The following VPS37A variants were observed in gnomAD, a reference collection of about 807,000 sequenced individuals.
VPS37A encodes the protein vacuolar protein sorting-associated protein 37A.
VPS37A carries 30 observed loss-of-function variants against 49.8 expected under a neutral mutation model. That is an observed-to-expected ratio of 0.60 (90% confidence interval 0.45 to 0.82). The LOEUF (loss-of-function observed/expected upper bound fraction) is 0.82, where lower values mean the gene tolerates loss of function less well. Among genes scored for constraint, VPS37A ranks in the 40% least tolerant of loss-of-function variants. The pLI is 0.00. For missense variants in VPS37A, 593 were observed against 464.4 expected, an observed-to-expected ratio of 1.28 and a Z score of -2.55; for synonymous variants, 195 against 160.6, an observed-to-expected ratio of 1.21 and a Z score of -1.62.
At chr8:17,284,383 G>A in intron 9 of VPS37A, 90 bp from the exon 10 acceptor site, 1 of 1,418,140 alleles carries the variant, frequency 7.1e-7, no homozygotes, top group Non-Finnish European at 9.3e-7. Context: ...ATAATAAATT[G>A]CCTCTCCATA....
At chr8:17,266,557 G>C (rs1813475099) in intron 2 of VPS37A, among the ~76,000 whole-genome samples, 1 of 152,202 alleles carries the variant, frequency 6.6e-6, no homozygotes, top group Non-Finnish European at 1.5e-5. Context: ...TGAAAAGGCT[G>C]TGATTACCTG....
At position 17,284,522 on chromosome 8, in the gene VPS37A, A is replaced by C; in HGVS notation, c.1019A>C (p.Glu340Ala). 6.3e-7 allele frequency: 1 copy of C among 1,599,262 alleles called. No homozygotes were observed. Among genetic ancestry groups the C allele is most frequent in the East Asian group, 2.3e-5 (1 of 43,662 alleles). ...GCAAGATTGAAAGTAGCTGCACATG[A>C]AGCTGAGGAAGAATCTGATAATATT... The part of the protein sequence containing the change: ...LQARLKVAAH[E>A]AEEESDNIAE... Residue 340 changes from glutamate (E) to alanine (A), a missense_variant, in exon 10 of 12, where the codon GAA (glutamate) becomes GCA (alanine). Coordinates refer to ENST00000324849, the MANE Select transcript of VPS37A (RefSeq NM_152415.3).
intron 1 of VPS37A, 69 bp from the exon 2 acceptor site, chr8:17,265,838 C>G: frequency 1.2e-6 from 2 of 1,609,854 alleles, no homozygotes; most frequent in Non-Finnish European, 1.7e-6. Context: ...GATTCTAGCA[C>G]TTAACATTGG....
At chr8:17,293,586 TCATGGATTTATCTA>T (rs1816340923) in intron 11 of VPS37A, among the ~76,000 whole-genome samples, 1 of 152,178 alleles carries the variant, frequency 6.6e-6, no homozygotes. Flanking sequence ...TTCCTCATCT[TCATGGATTTATCTA>T]CCTTTGTTCT....
At chr8:17,281,748 T>G (rs1815076166) in intron 9 of VPS37A, among the ~76,000 whole-genome samples, 1 of 152,044 alleles carries the variant, frequency 6.6e-6, no homozygotes, top group African/African-American at 2.4e-5. Flanking sequence ...TTTTCCTGTT[T>G]GCTCCAGCAA....
the VPS37A span, among the ~76,000 whole-genome samples, chr8:17,312,401 C>G: frequency 6.6e-6 from 1 of 151,896 alleles, no homozygotes; most frequent in Admixed American, 6.6e-5. Flanking sequence ...ATGGTGAAAC[C>G]CCGTCTCTAC....
At chr8:17,291,699 G>T (rs543817015) in intron 11 of VPS37A, among the ~76,000 whole-genome samples, 3 of 152,090 alleles carry the variant, frequency 2.0e-5, no homozygotes, top group East Asian at 1.9e-4. Context: ...TGGTTTCAAA[G>T]AACTTATTTA....
intron 6 of VPS37A, 34 bp downstream of exon 6, chr8:17,276,501 T>C (rs768574745): frequency 6.3e-7 from 1 of 1,576,386 alleles, no homozygotes; most frequent in Admixed American, 1.8e-5. Flanking sequence ...TCACATTGTC[T>C]ATTTTATTTG....
chr8:17,248,409 G>A (rs769827907), intron 1 of VPS37A: 2 of 454,674 alleles, frequency 4.4e-6, no homozygotes, highest in Middle Eastern at 3.8e-4. Flanking sequence ...CGAGTAGCTG[G>A]GATTACAGGT....
At chr8:17,276,275 G>T in intron 5 of VPS37A, 122 bp from the exon 6 acceptor site, 1 of 722,524 alleles carries the variant, frequency 1.4e-6, no homozygotes, top group East Asian at 2.9e-5. Context: ...GAGATGTGAA[G>T]ATGAAAATAT....
chr8:17,256,580 G>A (rs1043982558), intron 1 of VPS37A, among the ~76,000 whole-genome samples: 15 of 151,486 alleles, frequency 9.9e-5, no homozygotes, highest in Non-Finnish European at 1.5e-4. Context: ...GTTTTCTCCC[G>A]TTTTTTGGGT....
chr8:17,299,919 C>A (rs772447235), downstream of VPS37A: 1 of 1,614,138 alleles, frequency 6.2e-7, no homozygotes, highest in Non-Finnish European at 8.5e-7. Context: ...TATCTTCACT[C>A]GGTGCATGCT....
the VPS37A span, chr8:17,313,215 A>G: frequency 2.8e-6 from 3 of 1,056,320 alleles, no homozygotes; most frequent in East Asian, 7.2e-5. Context: ...AGGGAAGCCC[A>G]TGGCAGAGGG....
In VPS37A at chr8:17,265,988, A is replaced by G; in HGVS notation, c.200+7A>G. ...TGACAATTAACATTAATATGTGAGT[A>G]GAATTGTATCCTACTTTTTCATGTA... On this transcript the variant is annotated splice_region_variant and intron_variant, in intron 2 of 11. Transcript: ENST00000324849. The G allele has an allele frequency of 6.2e-7, 1 of 1,605,728 alleles. No individual in the cohort carries two copies. The highest frequency in any genetic ancestry group is 8.5e-7 in the Non-Finnish European group (1 of 1,176,102).
intron 6 of VPS37A, 132 bp from the exon 7 acceptor site, chr8:17,279,896 C>A: frequency 9.4e-7 from 1 of 1,064,266 alleles, no homozygotes; most frequent in Non-Finnish European, 1.4e-6. Flanking sequence ...TTAAAACTGG[C>A]AGCCTTAGGT....
At chr8:17,256,290 ATTTTTTTTTTTT>A (rs529736602) in intron 1 of VPS37A, among the ~76,000 whole-genome samples, 4,812 of 60,462 alleles carry the variant, frequency 0.08, 179 homozygotes, top group Admixed American at 0.13. Flanking sequence ...GGGTAAAATG[ATTTTTTTTTTTT>A]TTTTTTTTTT....
chr8:17,248,928 C>G (rs1308196534), intron 1 of VPS37A, among the ~76,000 whole-genome samples: 2 of 152,168 alleles, frequency 1.3e-5, no homozygotes, highest in Admixed American at 6.5e-5. Flanking sequence ...CTGTACTGAC[C>G]TTTAAGAGCT....
At chr8:17,289,071 G>C (rs1402856317) in intron 11 of VPS37A, among the ~76,000 whole-genome samples, 1 of 151,888 alleles carries the variant, frequency 6.6e-6, no homozygotes, top group East Asian at 1.9e-4. Flanking sequence ...TATTTTTCTT[G>C]TAAATTTAAG....
intron 6 of VPS37A, 189 bp from the exon 7 acceptor site, chr8:17,279,839 G>C: frequency 1.4e-6 from 1 of 700,234 alleles, no homozygotes; most frequent in East Asian, 3.1e-5. Flanking sequence ...ATATATTACA[G>C]ACTGCTCTAT....
Sources: gnomAD v4.1 joint callset for allele counts (sites outside exome capture counted in the v4.1 genomes callset) on GRCh38, gnomAD v4.1.1 for gene constraint, MANE v1.5 for transcripts, NCBI Gene and HGNC (gene_info 2026-07-23, HGNC 2026-07-21) for gene names.